The following TENM2 variants were observed in gnomAD, a reference collection of about 807,000 sequenced individuals.
TENM2 encodes the protein teneurin transmembrane protein 2.
Under a neutral mutation model 245.2 loss-of-function variants are expected in TENM2, and 52 were observed. The observed-to-expected ratio is 0.21, with a 90% CI of 0.17 to 0.27. The LOEUF (loss-of-function observed/expected upper bound fraction) is 0.27, where lower values mean the gene tolerates loss of function less well. TENM2 is among the 10% of genes least tolerant of loss of function. TENM2 has a pLI of 1.00. For missense variants in TENM2, 3,046 were observed against 3,666.8 expected (o/e 0.83, Z 4.37); for synonymous variants, 1,363 against 1,438.9 (o/e 0.95, Z 1.19).
intron 2 of TENM2, among the ~76,000 whole-genome samples, chr5:167,859,771 G>C (rs1281605905): frequency 1.1e-5 from 1 of 94,586 alleles, no homozygotes; most frequent in Admixed American, 8.6e-5. Context: ...CGCCCTGTCC[G>C]GGAGGGAGGT....
At chr5:167,730,147 C>T (rs1760314989) in intron 2 of TENM2, among the ~76,000 whole-genome samples, 1 of 152,202 alleles carries the variant, frequency 6.6e-6, no homozygotes. Flanking sequence ...CTACTGATAG[C>T]TGTTCCTGCA....
intron 2 of TENM2, among the ~76,000 whole-genome samples, chr5:167,567,569 T>C (rs902822185): frequency 9.2e-5 from 14 of 152,046 alleles, no homozygotes; most frequent in African/African-American, 2.9e-4. Context: ...GTATAAACGA[T>C]TGGGGGAAAA....
At chr5:168,018,368 G>A (rs1000893326) in intron 5 of TENM2, among the ~76,000 whole-genome samples, 1 of 143,268 alleles carries the variant, frequency 7.0e-6, no homozygotes, top group Non-Finnish European at 1.5e-5. Context: ...TTAACATGGT[G>A]TTGTGAGCTC....
intron 2 of TENM2, among the ~76,000 whole-genome samples, chr5:167,803,077 C>T (rs913698766): frequency 2.6e-5 from 4 of 152,258 alleles, no homozygotes; most frequent in African/African-American, 9.6e-5. Context: ...GAGCCTCAGG[C>T]ACACAGAGAA....
At chr5:166,987,357 T>TTG in the TENM2 span, among the ~76,000 whole-genome samples, 6 of 151,668 alleles carry the variant, frequency 4.0e-5, no homozygotes, top group African/African-American at 1.5e-4. Context: ...AAAAGTACTA[T>TTG]TGTGTGTGTG....
intron 2 of TENM2, among the ~76,000 whole-genome samples, chr5:167,731,316 T>C (rs1760421152): frequency 6.6e-6 from 1 of 151,984 alleles, no homozygotes; most frequent in South Asian, 2.1e-4. Context: ...AGGCATTGCA[T>C]TGGAGCTGAA....
rs547103769 is a variant in TENM2 at position 168,118,854 on chromosome 5, C to G, written c.2008+368C>G. Among the ~76,000 whole-genome samples the G allele has an allele frequency of 5.8e-4, 89 of 152,212 alleles. 2 individuals are homozygous for G. In the South Asian group the frequency reaches 0.018, roughly 31 times the overall value. The stretch of plus-strand genomic sequence containing the variant: ...TTCCTCTTTTGTTCCTTTCCCTCGC[C>G]CTATCTTTCTTCCTCTTTTCTCCTG... On this transcript the variant is annotated intron_variant, in intron 10 of 28. Coordinates refer to ENST00000518659, the Ensembl canonical transcript of TENM2.
intron 13 of TENM2, among the ~76,000 whole-genome samples, chr5:168,189,623 T>C (rs960724773): frequency 1.3e-5 from 2 of 152,210 alleles, no homozygotes; most frequent in African/African-American, 2.4e-5. Flanking sequence ...TTTCTCCACA[T>C]TTCCTAGAAA....
chr5:167,947,981 T>C (rs1003251195), intron 3 of TENM2, among the ~76,000 whole-genome samples: 2 of 152,214 alleles, frequency 1.3e-5, no homozygotes. Context: ...CCCCATCTAT[T>C]TGTCGATGCT....
At chr5:167,275,023 C>A in the TENM2 span, among the ~76,000 whole-genome samples, 3 of 151,894 alleles carry the variant, frequency 2.0e-5, no homozygotes, top group Admixed American at 6.6e-5. Flanking sequence ...TATATATACA[C>A]ACATATATTT....
chr5:167,802,149 G>A (rs999771046), intron 2 of TENM2, among the ~76,000 whole-genome samples: 1 of 152,070 alleles, frequency 6.6e-6, no homozygotes, highest in Non-Finnish European at 1.5e-5. Flanking sequence ...TGAGGGCAGA[G>A]CCTTCATGGC....
At chr5:167,414,049 G>T (rs1369303419) in intron 2 of TENM2, among the ~76,000 whole-genome samples, 1 of 152,100 alleles carries the variant, frequency 6.6e-6, no homozygotes, top group Non-Finnish European at 1.5e-5. Flanking sequence ...ATCACATTTA[G>T]CAAAGGGTCA....
intron 2 of TENM2, among the ~76,000 whole-genome samples, chr5:167,863,362 C>G (rs1228502572): frequency 1.3e-5 from 2 of 152,076 alleles, no homozygotes; most frequent in African/African-American, 4.8e-5. Context: ...CACCTGTAAT[C>G]CCAGCACTCT....
chr5:167,182,546 G>A, the TENM2 span, among the ~76,000 whole-genome samples: 5 of 151,984 alleles, frequency 3.3e-5, no homozygotes, highest in African/African-American at 9.7e-5. Flanking sequence ...AACATTTTAT[G>A]TTCTTTATTG....
intron 27 of TENM2, among the ~76,000 whole-genome samples, chr5:168,258,015 G>A (rs1767835432): frequency 6.6e-6 from 1 of 152,168 alleles, no homozygotes; most frequent in Non-Finnish European, 1.5e-5. Flanking sequence ...GGGAGGTGCT[G>A]AACTGAGTAG....
chr5:168,057,310 A>AACACACACACAC (rs112117017), intron 6 of TENM2, among the ~76,000 whole-genome samples: 8 of 148,920 alleles, frequency 5.4e-5, no homozygotes, highest in Admixed American at 2.0e-4. Context: ...CGCCTCGCCC[A>AACACACACACAC]ACACACACAC....
intron 3 of TENM2, among the ~76,000 whole-genome samples, chr5:167,897,054 T>G (rs759897794): frequency 1.3e-5 from 2 of 152,202 alleles, no homozygotes; most frequent in African/African-American, 2.4e-5. Flanking sequence ...GCTTATAATG[T>G]GAGGCTCATC....
chr5:167,075,757 ACTC>A, the TENM2 span, among the ~76,000 whole-genome samples: 1 of 151,872 alleles, frequency 6.6e-6, no homozygotes, highest in Non-Finnish European at 1.5e-5. Context: ...CTTGCAGAAA[ACTC>A]CTACGAACTT....
At chr5:167,344,670 C>T (rs536645198) in intron 1 of TENM2, among the ~76,000 whole-genome samples, 2 of 152,262 alleles carry the variant, frequency 1.3e-5, no homozygotes, top group Admixed American at 1.3e-4. Flanking sequence ...AACTTTGGAT[C>T]TAATAACTCA....
Sources: gnomAD v4.1 joint callset for allele counts (sites outside exome capture counted in the v4.1 genomes callset) on GRCh38, gnomAD v4.1.1 for gene constraint, MANE v1.5 for transcripts, NCBI Gene and HGNC (gene_info 2026-07-23, HGNC 2026-07-21) for gene names.